The following CACNA1H variants were observed in gnomAD, a reference collection of about 807,000 sequenced individuals.
CACNA1H encodes the protein voltage-dependent T-type calcium channel subunit alpha-1H.
CACNA1H carries 149 observed loss-of-function variants against 192.5 expected under a neutral mutation model. The observed-to-expected ratio is 0.77, with a 90% CI of 0.68 to 0.89. The LOEUF (loss-of-function observed/expected upper bound fraction) is 0.89. Ranked by LOEUF, CACNA1H falls within the 40% of genes least tolerant of loss-of-function variation. The pLI is 0.00. For synonymous variants in CACNA1H, 2,202 were observed against 1,475.2 expected, an observed-to-expected ratio of 1.49 and a Z score of -11.29; for missense variants, 4,257 against 3,423.5, an observed-to-expected ratio of 1.24 and a Z score of -6.08.
At chr16:1,168,007 G>C (rs1567445466) in intron 2 of CACNA1H, among the ~76,000 whole-genome samples, 3 of 152,214 alleles carry the variant, frequency 2.0e-5, no homozygotes, top group African/African-American at 7.2e-5. Flanking sequence ...CCGCACCTCT[G>C]TCTGCCCTAG....
intron 23 of CACNA1H, 53 bp from the exon 24 acceptor site, chr16:1,211,663 G>A: frequency 5.6e-6 from 9 of 1,610,200 alleles, no homozygotes; most frequent in Non-Finnish European, 7.6e-6. Context: ...GGAGCGAGAG[G>A]GCCGGCGACC....
At position 1,200,500 on chromosome 16, in the gene CACNA1H, G is replaced by A; in HGVS notation, c.1048G>A (p.Gly350Ser). 3 of 1,612,276 alleles carry A rather than the reference G, an allele frequency of 1.9e-6. No individual in the cohort carries two copies. Among genetic ancestry groups the A allele is most frequent in the Non-Finnish European group, 2.5e-6 (3 of 1,179,722 alleles). ...CCAGTACTACAACGTGTGCCGCTCG[G>A]GTGACTCCAACCCCCACAACGGTGC... Reference protein sequence around the residue: ...WNQYYNVCRSGDSNPHNGAIN... With the variant: ...WNQYYNVCRSSDSNPHNGAIN... The change falls in exon 7 of 35, where the codon GGT becomes AGT. Residue 350 changes from glycine (G) to serine (S), a missense_variant. Gly to Ser is a moderately conservative substitution (Grantham distance 56, BLOSUM62 0). Transcript: ENST00000348261.
intron 2 of CACNA1H, among the ~76,000 whole-genome samples, chr16:1,185,603 C>T (rs1300338021): frequency 2.4e-4 from 5 of 20,838 alleles, no homozygotes; most frequent in Admixed American, 6.2e-4. Context: ...GGTCAGCGTG[C>T]GTAGGGGCCG....
At chr16:1,158,016 T>A (rs1962660074) in intron 2 of CACNA1H, 2 of 152,082 alleles carry the variant, frequency 1.3e-5, no homozygotes, top group Admixed American at 6.5e-5. Context: ...CGTGGCGCCC[T>A]TGCCCGCATT....
Position 1,204,255 on chromosome 16 carries a change from G to GAC in CACNA1H, c.2253_2254dup (p.Pro752HisfsTer50). The GAC allele has an allele frequency of 6.2e-7, 1 of 1,609,890 alleles. No individual in the cohort carries two copies. The highest frequency in any genetic ancestry group is 2.2e-5 in the East Asian group (1 of 44,760). ...CCCCACGCGACCACCCCGTGCGACG[G>GAC]ACACACCAGGCCCAGGCCCAGGCAG... On this transcript the variant is annotated frameshift_variant, in exon 10 of 35. Transcript: ENST00000348261. LOFTEE classifies it high-confidence loss of function.
At chr16:1,186,831 C>T (rs1017930459) in intron 2 of CACNA1H, among the ~76,000 whole-genome samples, 6 of 152,218 alleles carry the variant, frequency 3.9e-5, no homozygotes, top group African/African-American at 9.6e-5. Context: ...GGGCCGTGAC[C>T]ACCACCATGA....
In CACNA1H at chr16:1,200,488, G is replaced by A. The variant is rs1967718642; in HGVS notation, c.1036G>A (p.Val346Met). The change falls in exon 7 of 35, where the codon GTG (valine) becomes ATG (methionine). Residue 346 changes from valine to methionine, a missense_variant. Physicochemically the swap from Val to Met is conservative, Grantham distance 21 (BLOSUM62 1). Coordinates refer to ENST00000348261, the MANE Select transcript of CACNA1H (RefSeq NM_021098.3). Reference sequence around the variant, plus strand: ...CATCAACTGGAACCAGTACTACAACGTGTGCCGCTCGGGTGACTCCAACCC... The same window carrying A: ...CATCAACTGGAACCAGTACTACAACATGTGCCGCTCGGGTGACTCCAACCC... ...ACINWNQYYN[V>M]CRSGDSNPHN... 1.9e-6 allele frequency: 3 copies of A among 1,612,182 alleles called. No homozygotes were observed. The highest frequency in any genetic ancestry group is 2.2e-5 in the East Asian group (1 of 44,866).
intron 2 of CACNA1H, among the ~76,000 whole-genome samples, chr16:1,163,528 G>A (rs1202657666): frequency 6.6e-6 from 1 of 152,262 alleles, no homozygotes; most frequent in Non-Finnish European, 1.5e-5. Flanking sequence ...ACGACCTGCC[G>A]GGAAGGTGTG....
At chr16:1,203,811 T>C (rs1968304866) in intron 9 of CACNA1H, among the ~76,000 whole-genome samples, 199 bp from the exon 10 acceptor site, 1 of 152,210 alleles carries the variant, frequency 6.6e-6, no homozygotes, top group African/African-American at 2.4e-5. Flanking sequence ...CGGGATAGCT[T>C]CATTCCTCAT....
chr16:1,214,485 C>T (rs751493524), intron 27 of CACNA1H, among the ~76,000 whole-genome samples: 1 of 152,178 alleles, frequency 6.6e-6, no homozygotes, highest in African/African-American at 2.4e-5. Flanking sequence ...GGAGGTTCGT[C>T]CTCAGAGGGT....
At chr16:1,168,589 G>A (rs1263779857) in intron 2 of CACNA1H, among the ~76,000 whole-genome samples, 1 of 152,072 alleles carries the variant, frequency 6.6e-6, no homozygotes, top group Admixed American at 6.5e-5. Flanking sequence ...TGGTGGGGAG[G>A]TTGATGATCC....
chr16:1,220,886 A>C lies in CACNA1H; in HGVS notation c.6954A>C (p.Pro2318=), dbSNP rs1970434020. 6.2e-7 allele frequency: 1 copy of C among 1,612,256 alleles called. No individual in the cohort carries two copies. Among genetic ancestry groups the C allele is most frequent in the Non-Finnish European group, 8.5e-7 (1 of 1,179,588 alleles). Residue 2318 remains proline (P), a synonymous_variant, in exon 35 of 35, where the codon CCA becomes CCC. Coordinates refer to ENST00000348261, the MANE Select transcript of CACNA1H (RefSeq NM_021098.3). The part of the protein sequence containing the change: ...SEPPMPVGDP[P]EKRRGLYLTV... ...CTCCCATGCCCGTCGGTGACCCCCCAGAGAAGAGGCGGGGGCTGTACCTCA... is the reference window on the plus strand; with the variant it reads ...CTCCCATGCCCGTCGGTGACCCCCCCGAGAAGAGGCGGGGGCTGTACCTCA...
chr16:1,217,640 C>T (rs1279801556), intron 31 of CACNA1H, among the ~76,000 whole-genome samples: 1 of 152,200 alleles, frequency 6.6e-6, no homozygotes, highest in East Asian at 1.9e-4. Flanking sequence ...CCCCGCCACG[C>T]GCAGTCACAG....
At chr16:1,186,793 G>A (rs1349026854) in intron 2 of CACNA1H, among the ~76,000 whole-genome samples, 2 of 152,186 alleles carry the variant, frequency 1.3e-5, no homozygotes, top group Non-Finnish European at 2.9e-5. Context: ...TAGCTCTTCT[G>A]TATACAAGCA....
intron 6 of CACNA1H, among the ~76,000 whole-genome samples, 191 bp from the exon 7 acceptor site, chr16:1,200,065 C>T (rs1185299546): frequency 6.6e-6 from 1 of 152,122 alleles, no homozygotes; most frequent in Non-Finnish European, 1.5e-5. Context: ...GTCCCCTGAT[C>T]CGGGTCTTGA....
chr16:1,192,002 T>C (rs1471789243), intron 2 of CACNA1H, among the ~76,000 whole-genome samples: 4 of 152,260 alleles, frequency 2.6e-5, no homozygotes, highest in Non-Finnish European at 4.4e-5. Context: ...CGGGAGGCCG[T>C]CTGCAGCTGG....
At chr16:1,178,452 A>C (rs1965138237) in intron 2 of CACNA1H, among the ~76,000 whole-genome samples, 1 of 151,440 alleles carries the variant, frequency 6.6e-6, no homozygotes, top group Non-Finnish European at 1.5e-5. Flanking sequence ...CTGTATTTGG[A>C]GATAAGGGCC....
chr16:1,169,158 G>C (rs1469784122), intron 2 of CACNA1H, among the ~76,000 whole-genome samples: 1 of 143,496 alleles, frequency 7.0e-6, no homozygotes, highest in Non-Finnish European at 1.6e-5. Context: ...CAGTCTTCCT[G>C]CGGCGGGGTG....
Position 1,200,547 on chromosome 16 carries a change from C to T in CACNA1H, c.1095C>T (p.Gly365=), listed in dbSNP as rs1269503775. Residue 365 remains glycine (G), a synonymous_variant, in exon 7 of 35, where the codon GGC becomes GGT. Coordinates refer to ENST00000348261, the MANE Select transcript of CACNA1H (RefSeq NM_021098.3). ...HNGAINFDNI[G]YAWIAIFQVI... is the part of the protein sequence containing the mutation. Reference sequence around the variant, plus strand: ...GTGCCATCAACTTCGACAACATCGGCTACGCCTGGATTGCCATCTTCCAGG... The same window carrying T: ...GTGCCATCAACTTCGACAACATCGGTTACGCCTGGATTGCCATCTTCCAGG... 6 of 1,612,240 alleles carry T rather than the reference C, an allele frequency of 3.7e-6. No homozygotes were observed. The highest frequency in any genetic ancestry group is 1.7e-5 in the Admixed American group (1 of 60,012).
Sources: gnomAD v4.1 joint callset for allele counts (sites outside exome capture counted in the v4.1 genomes callset) on GRCh38, gnomAD v4.1.1 for gene constraint, MANE v1.5 for transcripts, NCBI Gene and HGNC (gene_info 2026-07-23, HGNC 2026-07-21) for gene names.